The following TACC2 variants were observed in gnomAD, a reference collection of about 807,000 sequenced individuals.
TACC2 encodes transforming acidic coiled-coil containing protein 2, also known as transforming acidic coiled-coil-containing protein 2.
TACC2 carries 137 observed loss-of-function variants against 227.3 expected under a neutral mutation model. The ratio of observed to expected loss-of-function variants is 0.60; its 90% CI spans 0.52 to 0.69. TACC2 has a LOEUF of 0.69. Ranked by LOEUF, TACC2 falls within the 30% of genes least tolerant of loss-of-function variation. TACC2 has a pLI of 0.00. For missense variants in TACC2, 3,470 were observed against 3,694.4 expected (o/e 0.94, Z 1.57); for synonymous variants, 1,523 against 1,487.5 (o/e 1.02, Z -0.55).
intron 5 of TACC2, among the ~76,000 whole-genome samples, chr10:122,117,054 G>C (rs1355571948): frequency 6.6e-6 from 1 of 151,956 alleles, no homozygotes; most frequent in African/African-American, 2.4e-5. Context: ...ATTTGTTACA[G>C]TATTTCATAT....
intron 5 of TACC2, among the ~76,000 whole-genome samples, chr10:122,093,504 T>G (rs1356425395): frequency 6.6e-6 from 1 of 152,230 alleles, no homozygotes; most frequent in Non-Finnish European, 1.5e-5. Context: ...CATGGTTCTC[T>G]TAGCAGATAA....
chr10:122,154,545 T>C (rs2092334778), intron 7 of TACC2, among the ~76,000 whole-genome samples: 1 of 152,232 alleles, frequency 6.6e-6, no homozygotes, highest in African/African-American at 2.4e-5. Context: ...AACGATTCCT[T>C]AAGCTCAGCA....
At chr10:122,213,368 G>A in intron 9 of TACC2, 1 of 1,612,280 alleles carries the variant, frequency 6.2e-7, no homozygotes, top group Non-Finnish European at 8.5e-7. Context: ...ATGTCTGTGT[G>A]TTCTCTGTTG....
chr10:122,019,999 G>C (rs542389588), intron 1 of TACC2: 1 of 152,294 alleles, frequency 6.6e-6, no homozygotes, highest in African/African-American at 2.4e-5. Flanking sequence ...TCCCTCGGCG[G>C]TTTTACAATT....
chr10:122,138,611 C>T (rs1292321024), intron 6 of TACC2, among the ~76,000 whole-genome samples: 1 of 152,170 alleles, frequency 6.6e-6, no homozygotes, highest in Non-Finnish European at 1.5e-5. Context: ...TAACAGAATT[C>T]CTTTGTACCT....
In TACC2 at chr10:122,209,963, A is replaced by G. The variant is rs2095250199; in HGVS notation, c.5972-434A>G. On this transcript the variant is annotated intron_variant, in intron 8 of 22. Coordinates refer to ENST00000369005, the MANE Select transcript of TACC2 (RefSeq NM_206862.4). The surrounding 1 kb of genome is among the most constrained non-coding windows in gnomAD (Gnocchi z 4.5). ...TGCCTCGGCCTCCCAAAGTGCTGGG[A>G]TTACAGGTGTGAGACACCATGCCCG... 2.6e-5 allele frequency: 5 copies of G among 190,478 alleles called. No individual in the cohort carries two copies. In the South Asian group the frequency reaches 5.3e-4, roughly 20 times the overall value. The allele number at this position is 190,478 out of a possible 1,614,324, so 11.8% of individuals were successfully genotyped here. A position where few individuals can be genotyped will look rare whatever the true frequency, so the allele number is the denominator to read the frequency against.
intron 3 of TACC2, among the ~76,000 whole-genome samples, chr10:122,070,401 G>C (rs2077899916): frequency 1.3e-5 from 2 of 152,050 alleles, no homozygotes; most frequent in African/African-American, 2.4e-5. Flanking sequence ...TTGAGCTCAG[G>C]AGTTTGAGAC....
chr10:122,014,657 G>C (rs1191238593), intron 1 of TACC2, among the ~76,000 whole-genome samples: 1 of 152,212 alleles, frequency 6.6e-6, no homozygotes, highest in Non-Finnish European at 1.5e-5. Flanking sequence ...GGCTTCTGCA[G>C]TCTTGCTGCT....
chr10:122,012,742 C>A (rs951919306), intron 1 of TACC2, among the ~76,000 whole-genome samples: 1 of 152,018 alleles, frequency 6.6e-6, no homozygotes, highest in Non-Finnish European at 1.5e-5. Flanking sequence ...AGAGGAGGAG[C>A]CCCACAGAAG....
chr10:122,039,554 G>T (rs2073994747), intron 2 of TACC2, among the ~76,000 whole-genome samples: 1 of 152,300 alleles, frequency 6.6e-6, no homozygotes, highest in Non-Finnish European at 1.5e-5. Context: ...GGGACAACAA[G>T]TGCCTGGGAG....
intron 3 of TACC2, among the ~76,000 whole-genome samples, chr10:122,071,978 CTTTTT>C (rs200019377): frequency 9.9e-6 from 1 of 101,500 alleles, no homozygotes. Context: ...CCCAATAACT[CTTTTT>C]TTTTTTTTTT....
At position 122,215,435 on chromosome 10, in the gene TACC2, C is replaced by T. The variant is rs779997033; in HGVS notation, c.7328C>T (p.Ser2443Phe). 6.2e-7 allele frequency: 1 copy of T among 1,614,048 alleles called. No homozygotes were observed. The stretch of plus-strand genomic sequence containing the variant: ...AAGTCGCCAAAACGGTCTCCTCTCT[C>T]TGATCCACCTTCCCAGGTACAGTGT... ...VKKSPKRSPLSDPPSQDPTPA... is the reference protein window; with the variant it reads ...VKKSPKRSPLFDPPSQDPTPA... The change falls in exon 10 of 23, where the codon TCT becomes TTT. Residue 2443 changes from serine to phenylalanine, a missense_variant. Coordinates refer to ENST00000369005, the MANE Select transcript of TACC2 (RefSeq NM_206862.4).
At chr10:122,124,047 C>T (rs1447367305) in intron 5 of TACC2, among the ~76,000 whole-genome samples, 4 of 151,888 alleles carry the variant, frequency 2.6e-5, no homozygotes, top group Admixed American at 6.6e-5. Context: ...CTCCTGGCCT[C>T]GTGATCTGCC....
chr10:122,179,181 A>G (rs1006334265), intron 7 of TACC2, among the ~76,000 whole-genome samples: 2 of 152,210 alleles, frequency 1.3e-5, no homozygotes, highest in Non-Finnish European at 2.9e-5. Flanking sequence ...TTCGTCAGCA[A>G]GAAGGTCAGG....
intron 8 of TACC2, among the ~76,000 whole-genome samples, chr10:122,200,284 C>T (rs1388706994): frequency 6.6e-6 from 1 of 152,160 alleles, no homozygotes; most frequent in Non-Finnish European, 1.5e-5. Context: ...AAGCCCCGTT[C>T]ATCCCAGGCT....
intron 5 of TACC2, among the ~76,000 whole-genome samples, chr10:122,129,705 C>T (rs139097070): frequency 8.3e-4 from 126 of 152,280 alleles, no homozygotes; most frequent in African/African-American, 2.5e-3. Flanking sequence ...GACACCCAGC[C>T]GGAGCTCCTG....
rs1031734588 is a variant in TACC2 at position 122,086,925 on chromosome 10, G to A, written c.4425G>A (p.Lys1475=). ...APPARLQVEK[K]QQLAGEAEIS... ...CTGCTCGACTCCAGGTGGAGAAGAA[G>A]CAACAGTTGGCTGGAGAGGCTGAGA... The change falls in exon 4 of 23, where the codon AAG becomes AAA. Residue 1475 remains lysine (K), a synonymous_variant. Transcript: ENST00000369005. 3.7e-6 allele frequency: 6 copies of A among 1,613,838 alleles called. No individual in the cohort carries two copies. Among genetic ancestry groups the A allele is most frequent in the African/African-American group, 1.3e-5 (1 of 74,934 alleles).
Position 122,222,867 on chromosome 10 carries a change from C to T in TACC2, c.7547-1859C>T, listed in dbSNP as rs116651366. Among the ~76,000 whole-genome samples, 455 of 152,272 alleles carry T rather than the reference C, an allele frequency of 3.0e-3. 5 individuals carry two copies. The highest frequency in any genetic ancestry group is 9.7e-3 in the African/African-American group (404 of 41,552). On this transcript the variant is annotated intron_variant, in intron 11 of 22. Coordinates refer to ENST00000369005, the MANE Select transcript of TACC2 (RefSeq NM_206862.4). ...TTAGGGCATGTAATGCCTTGGAAAT[C>T]GTAATGATACCTTAGAAGAGGCAGC...
At chr10:122,027,733 A>C (rs11200347) in intron 2 of TACC2, among the ~76,000 whole-genome samples, 25,031 of 147,248 alleles carry the variant, frequency 0.17, 2,302 homozygotes, top group East Asian at 0.26. Flanking sequence ...CCATCTCTAC[A>C]CAATACTTTC....
Sources: allele counts gnomAD v4.1 joint callset (sites outside exome capture counted in the v4.1 genomes callset), GRCh38; gene constraint gnomAD v4.1.1; non-coding constraint Gnocchi (gnomAD v3.1); transcripts MANE v1.5; gene names NCBI Gene and HGNC (gene_info 2026-07-23, HGNC 2026-07-21).